The following CENPU variants were observed in gnomAD, a reference collection of about 807,000 sequenced individuals.
The protein encoded by CENPU is KSHV latent nuclear antigen interacting protein 1.
Under a neutral mutation model 56.7 loss-of-function variants are expected in CENPU, and 46 were observed. The ratio of observed to expected loss-of-function variants is 0.81; its 90% CI spans 0.64 to 1.04. The LOEUF is 1.04. CENPU is among the 50% of genes least tolerant of loss of function. The probability of loss-of-function intolerance (pLI) is 0.00; values close to 1 mark genes in which losing one functional copy is unlikely to be tolerated. For missense variants in CENPU, 510 were observed against 490.1 expected (o/e 1.04, Z -0.38); for synonymous variants, 166 against 163.0 (o/e 1.02, Z -0.14).
chr4:184,732,820 G>A (rs1486639345), intron 1 of CENPU, among the ~76,000 whole-genome samples: 1 of 152,066 alleles, frequency 6.6e-6, no homozygotes, highest in African/African-American at 2.4e-5. Context: ...TGGCCAACAT[G>A]GTGAAACCCC....
At chr4:184,705,241 A>G (rs1409203625) in intron 8 of CENPU, among the ~76,000 whole-genome samples, 1 of 152,256 alleles carries the variant, frequency 6.6e-6, no homozygotes, top group African/African-American at 2.4e-5. Context: ...TTACCTAGCA[A>G]TGAAGTGGAA....
chr4:184,729,247 C>A (rs946294700), intron 2 of CENPU, among the ~76,000 whole-genome samples: 3 of 152,146 alleles, frequency 2.0e-5, no homozygotes, highest in African/African-American at 2.4e-5. Context: ...TGTACAATTA[C>A]AATGTTTCAG....
intron 10 of CENPU, among the ~76,000 whole-genome samples, chr4:184,701,167 A>C (rs1760522034): frequency 1.3e-5 from 2 of 152,188 alleles, no homozygotes; most frequent in African/African-American, 2.4e-5. Flanking sequence ...GGACCCTGTG[A>C]CCTGTAAAGT....
In CENPU at chr4:184,729,019, C is replaced by A. The variant is rs779479727; in HGVS notation, c.113G>T (p.Cys38Phe). ...HSMKDKAGQK[C>F]KPIDVFDFPD... Reference sequence around the variant, plus strand: ...AAAGTCGAACACGTCAATAGGCTTGCACTTTTGACCAGCTTTCTAAAAGTG... The same window carrying A: ...AAAGTCGAACACGTCAATAGGCTTGAACTTTTGACCAGCTTTCTAAAAGTG... The change falls in exon 3 of 13, where the codon TGC (cysteine) becomes TTC (phenylalanine). Residue 38 changes from cysteine to phenylalanine, a missense_variant. Cys to Phe is a radical substitution (Grantham distance 205). Coordinates refer to ENST00000281453, the MANE Select transcript of CENPU (RefSeq NM_024629.4). 5 of 1,612,948 alleles carry A rather than the reference C, an allele frequency of 3.1e-6. No homozygotes were observed. In the South Asian group the frequency reaches 5.5e-5, roughly 18 times the overall value.
intron 11 of CENPU, 96 bp from the exon 12 acceptor site, chr4:184,697,899 C>T: frequency 1.2e-6 from 1 of 854,170 alleles, no homozygotes; most frequent in Non-Finnish European, 1.8e-6. Context: ...AGAACCGGGG[C>T]TGGCCAACTA....
chr4:184,699,596 C>T (rs1482223620), intron 11 of CENPU: 3 of 1,288,936 alleles, frequency 2.3e-6, no homozygotes, highest in Middle Eastern at 4.3e-4. Flanking sequence ...CAGCACCTGT[C>T]CAGAGACTCA....
chr4:184,706,497 T>A (rs1052581917), intron 8 of CENPU, among the ~76,000 whole-genome samples: 4 of 152,232 alleles, frequency 2.6e-5, no homozygotes, highest in African/African-American at 9.6e-5. Flanking sequence ...TCTGGCAAAA[T>A]TCAATTAATT....
At position 184,694,179 on chromosome 4, in the gene CENPU, A is replaced by G; in HGVS notation, c.*1109T>C. 9.7e-7 allele frequency: 1 copy of G among 1,027,188 alleles called. No homozygotes were observed. 63.6% of individuals were successfully genotyped at this position (1,027,188 alleles called of 1,614,324 possible). A position where few individuals can be genotyped will look rare whatever the true frequency, so the allele number is the denominator to read the frequency against. On this transcript the variant is annotated 3_prime_UTR_variant, in exon 13 of 13. Coordinates refer to ENST00000281453, the MANE Select transcript of CENPU (RefSeq NM_024629.4). The stretch of plus-strand genomic sequence containing the variant: ...CATGGGTACTAAGTCCATTGTCAAG[A>G]TAGCAAATTTATCTTCTGATTTGTC...
intron 8 of CENPU, among the ~76,000 whole-genome samples, chr4:184,705,059 C>T (rs1165543847): frequency 6.6e-6 from 1 of 152,190 alleles, no homozygotes; most frequent in East Asian, 1.9e-4. Context: ...AACCCAACAA[C>T]TGCACTCTTG....
chr4:184,733,970 C>G lies in CENPU; in HGVS notation c.47+46G>C, dbSNP rs1337982227. The G allele has an allele frequency of 2.5e-6, 4 of 1,610,908 alleles. No homozygotes were observed. In the African/African-American group the frequency reaches 4.0e-5, roughly 16 times the overall value. ...AACCACGGCAGGCGAGGAAGCAGTT[C>G]AAGCTGGTCTCCGGCCCCGCGCTCC... On this transcript the variant is annotated intron_variant, in intron 1 of 12. Coordinates refer to ENST00000281453, the MANE Select transcript of CENPU (RefSeq NM_024629.4).
chr4:184,732,048 C>T (rs1476020367), intron 1 of CENPU, among the ~76,000 whole-genome samples: 1 of 152,034 alleles, frequency 6.6e-6, no homozygotes, highest in Admixed American at 6.6e-5. Context: ...ACAGTCCATA[C>T]CCAAATCACA....
chr4:184,733,891 ATTGG>A, intron 1 of CENPU, 121 bp downstream of exon 1: 1 of 1,305,256 alleles, frequency 7.7e-7, no homozygotes, highest in Non-Finnish European at 1.1e-6. Context: ...GACCCGGGCG[ATTGG>A]CCACTCGGGC....
At chr4:184,730,865 A>G (rs1356256153) in intron 2 of CENPU, 55 bp downstream of exon 2, 5 of 1,432,352 alleles carry the variant, frequency 3.5e-6, no homozygotes, top group Non-Finnish European at 4.7e-6. Context: ...TACCCAAAAA[A>G]TGTTATTTTG....
At chr4:184,727,216 T>C (rs1392206536) in intron 3 of CENPU, among the ~76,000 whole-genome samples, 2 of 151,980 alleles carry the variant, frequency 1.3e-5, no homozygotes, top group Non-Finnish European at 2.9e-5. Context: ...GAACCAACTA[T>C]TCTATGTTTC....
At chr4:184,705,481 G>A (rs901966347) in intron 8 of CENPU, among the ~76,000 whole-genome samples, 4 of 152,030 alleles carry the variant, frequency 2.6e-5, no homozygotes, top group African/African-American at 9.7e-5. Context: ...GATCCTGGAG[G>A]TGATGCAATA....
At chr4:184,716,231 G>A (rs1036075392) in intron 6 of CENPU, among the ~76,000 whole-genome samples, 166 bp downstream of exon 6, 3 of 151,920 alleles carry the variant, frequency 2.0e-5, no homozygotes, top group African/African-American at 7.3e-5. Flanking sequence ...CACCTCGCCC[G>A]GCCATACCAT....
At chr4:184,721,691 G>T (rs1253255787) in intron 4 of CENPU, among the ~76,000 whole-genome samples, 1 of 152,134 alleles carries the variant, frequency 6.6e-6, no homozygotes, top group Non-Finnish European at 1.5e-5. Context: ...GGTCAATTCA[G>T]CAAGAGGATA....
chr4:184,724,441 T>C (rs956612165), intron 4 of CENPU, among the ~76,000 whole-genome samples: 1 of 152,220 alleles, frequency 6.6e-6, no homozygotes, highest in Non-Finnish European at 1.5e-5. Context: ...ATTATATAAC[T>C]TGCTCCCAAG....
intron 8 of CENPU, among the ~76,000 whole-genome samples, chr4:184,707,629 C>G (rs1013126744): frequency 1.3e-5 from 2 of 152,074 alleles, no homozygotes; most frequent in Non-Finnish European, 2.9e-5. Flanking sequence ...CTGAGGCTGC[C>G]CATCCTAGGG....
Sources: gnomAD v4.1 joint callset for allele counts (sites outside exome capture counted in the v4.1 genomes callset) on GRCh38, gnomAD v4.1.1 for gene constraint, MANE v1.5 for transcripts, NCBI Gene and HGNC (gene_info 2026-07-23, HGNC 2026-07-21) for gene names.